Variants in SHQ1 observed in about 807,000 individuals in gnomAD.
The protein encoded by SHQ1 is SHQ1, H/ACA ribonucleoprotein assembly factor.
In SHQ1, 49 loss-of-function variants were observed where a neutral mutation model predicts 53.8. The observed-to-expected ratio is 0.91, with a 90% CI of 0.72 to 1.16. SHQ1 has a LOEUF of 1.16. Among genes scored for constraint, SHQ1 ranks in the 50% most tolerant of loss-of-function variants. The probability of loss-of-function intolerance (pLI) is 0.00; values close to 1 mark genes in which losing one functional copy is unlikely to be tolerated. For missense variants in SHQ1, 738 were observed against 683.1 expected (o/e 1.08, Z -0.90); for synonymous variants, 243 against 251.0 (o/e 0.97, Z 0.30).
chr3:72,840,834 G>A (rs892452626), intron 4 of SHQ1, among the ~76,000 whole-genome samples: 4 of 152,244 alleles, frequency 2.6e-5, no homozygotes, highest in Admixed American at 6.5e-5. Context: ...AGAAAGCCAC[G>A]GGGTGTCTGT....
At chr3:72,820,386 T>G (rs1259505543) in intron 6 of SHQ1, among the ~76,000 whole-genome samples, 1 of 152,210 alleles carries the variant, frequency 6.6e-6, no homozygotes, top group Non-Finnish European at 1.5e-5. Flanking sequence ...CATTTATAAG[T>G]TCCACTGTGG....
intron 9 of SHQ1, among the ~76,000 whole-genome samples, chr3:72,811,854 A>G (rs1316893439): frequency 1.3e-5 from 2 of 152,202 alleles, no homozygotes; most frequent in African/African-American, 4.8e-5. Flanking sequence ...AGCTCCCAGA[A>G]ACACTTTTAT....
intron 9 of SHQ1, 63 bp from the exon 10 acceptor site, chr3:72,793,099 T>A: frequency 1.4e-6 from 2 of 1,408,752 alleles, no homozygotes; most frequent in Non-Finnish European, 2.0e-6. Context: ...CCCTGAGAGG[T>A]AATATATCTA....
At chr3:72,819,861 G>A (rs1317560323) in intron 6 of SHQ1, among the ~76,000 whole-genome samples, 1 of 152,114 alleles carries the variant, frequency 6.6e-6, no homozygotes, top group Non-Finnish European at 1.5e-5. Context: ...TTTGATTTAA[G>A]GAAATGGCAT....
chr3:72,782,482 T>C (rs1242957532), intron 10 of SHQ1, among the ~76,000 whole-genome samples: 2 of 152,202 alleles, frequency 1.3e-5, no homozygotes, highest in Non-Finnish European at 2.9e-5. Flanking sequence ...GCTCTGTTTA[T>C]TATTTTCCCA....
At chr3:72,844,277 C>T in intron 2 of SHQ1, 82 bp downstream of exon 2, 3 of 1,154,240 alleles carry the variant, frequency 2.6e-6, no homozygotes, top group South Asian at 1.3e-5. Flanking sequence ...TCAAAAGGTC[C>T]CCATGGTATC....
chr3:72,840,174 C>G (rs1480281577), intron 4 of SHQ1, among the ~76,000 whole-genome samples: 12 of 145,668 alleles, frequency 8.2e-5, no homozygotes, highest in Admixed American at 5.5e-4. Context: ...ATCACTTGGA[C>G]CCGGGAGGCA....
intron 9 of SHQ1, among the ~76,000 whole-genome samples, chr3:72,799,395 C>T (rs1477945206): frequency 6.6e-6 from 1 of 152,106 alleles, no homozygotes; most frequent in Non-Finnish European, 1.5e-5. Context: ...TATTTTAACA[C>T]TAATTTTCAT....
chr3:72,756,062 C>T (rs748668749), intron 10 of SHQ1, among the ~76,000 whole-genome samples: 45 of 152,100 alleles, frequency 3.0e-4, no homozygotes, highest in Non-Finnish European at 4.4e-4. Context: ...CCACACCCAG[C>T]TAATTTTTAT....
chr3:72,729,225 T>C, the SHQ1 span, among the ~76,000 whole-genome samples: 1 of 152,194 alleles, frequency 6.6e-6, no homozygotes, highest in African/African-American at 2.4e-5. Flanking sequence ...GTGGCTCCTA[T>C]TGGGTTTTGA....
At chr3:72,845,880 T>C (rs955181866) in intron 1 of SHQ1, among the ~76,000 whole-genome samples, 1 of 152,168 alleles carries the variant, frequency 6.6e-6, no homozygotes, top group African/African-American at 2.4e-5. Flanking sequence ...AAGGGGTCAG[T>C]TTATGGATGA....
chr3:72,835,247 G>A (rs1037607461), intron 4 of SHQ1, among the ~76,000 whole-genome samples: 3 of 151,826 alleles, frequency 2.0e-5, no homozygotes, highest in African/African-American at 7.3e-5. Context: ...TTTTTTTGGG[G>A]AAGGGGACAG....
At chr3:72,796,001 G>A (rs1706602364) in intron 9 of SHQ1, among the ~76,000 whole-genome samples, 1 of 151,412 alleles carries the variant, frequency 6.6e-6, no homozygotes, top group Admixed American at 6.6e-5. Context: ...TACTCGGGAG[G>A]CTGAGGCAGG....
intron 6 of SHQ1, among the ~76,000 whole-genome samples, chr3:72,820,580 T>C (rs192264142): frequency 8.7e-4 from 132 of 152,274 alleles, no homozygotes; most frequent in Non-Finnish European, 9.4e-4. Context: ...TGGGGGAAGT[T>C]TGCACACAAT....
At chr3:72,744,635 T>TC (rs34481680), downstream of SHQ1, among the ~76,000 whole-genome samples, 35,442 of 152,102 alleles carry the variant, frequency 0.23, 4,316 homozygotes, top group Non-Finnish European at 0.25. Context: ...TGAATCAATT[T>TC]CCAGCTGCAT....
intron 10 of SHQ1, among the ~76,000 whole-genome samples, chr3:72,774,183 T>C (rs1297957392): frequency 1.3e-5 from 2 of 152,042 alleles, no homozygotes; most frequent in Non-Finnish European, 2.9e-5. Context: ...TGCCTCAAAA[T>C]ATAAAGTAAA....
At chr3:72,735,732 G>GGAAGGAAA in the SHQ1 span, among the ~76,000 whole-genome samples, 3 of 111,074 alleles carry the variant, frequency 2.7e-5, no homozygotes, top group African/African-American at 9.4e-5. Context: ...AAGGAAGGAA[G>GGAAGGAAA]GAAGGAAGGA....
the SHQ1 span, among the ~76,000 whole-genome samples, chr3:72,726,401 G>C: frequency 6.6e-6 from 1 of 152,030 alleles, no homozygotes; most frequent in Non-Finnish European, 1.5e-5. Flanking sequence ...CCCAGGTTGA[G>C]ATCAGCAATG....
chr3:72,817,201 T>C, intron 7 of SHQ1, 29 bp downstream of exon 7: 1 of 1,599,058 alleles, frequency 6.3e-7, no homozygotes, highest in Non-Finnish European at 8.5e-7. Context: ...CAGTCATCTA[T>C]GGCAACATGC....
Sources: gnomAD v4.1 joint callset for allele counts (sites outside exome capture counted in the v4.1 genomes callset) on GRCh38, gnomAD v4.1.1 for gene constraint, MANE v1.5 for transcripts, NCBI Gene and HGNC (gene_info 2026-07-23, HGNC 2026-07-21) for gene names.